SDCCAG8: variants seen among roughly 807,000 people sequenced by gnomAD.
SDCCAG8 encodes serologically defined colon cancer antigen 8.
A neutral mutation model predicts 101.8 loss-of-function variants in SDCCAG8; 74 were observed. The observed-to-expected ratio is 0.73, with a 90% CI of 0.60 to 0.88. The LOEUF (loss-of-function observed/expected upper bound fraction) is 0.88, where lower values mean the gene tolerates loss of function less well. Ranked by LOEUF, SDCCAG8 falls within the 40% of genes least tolerant of loss-of-function variation. The pLI is 0.00. For missense variants in SDCCAG8, 787 were observed against 822.6 expected (o/e 0.96, Z 0.53); for synonymous variants, 281 against 292.9 (o/e 0.96, Z 0.41).
chr1:243,286,072 G>A (rs2069586032), intron 4 of SDCCAG8, among the ~76,000 whole-genome samples, 200 bp from the exon 5 acceptor site: 1 of 152,194 alleles, frequency 6.6e-6, no homozygotes, highest in Admixed American at 6.5e-5. Flanking sequence ...GCCACCAGCA[G>A]GCCCATTACT....
chr1:243,451,280 G>C (rs2083335547), intron 16 of SDCCAG8, among the ~76,000 whole-genome samples: 1 of 152,158 alleles, frequency 6.6e-6, no homozygotes, highest in African/African-American at 2.4e-5. Flanking sequence ...GATCAGCATG[G>C]ATTTTACTGA....
intron 1 of SDCCAG8, chr1:243,267,605 G>GAAAAAA: frequency 2.2e-6 from 1 of 459,832 alleles, no homozygotes; most frequent in South Asian, 2.1e-5. Context: ...TCCCTCTCAA[G>GAAAAAA]AAAAAAAAAA....
intron 12 of SDCCAG8, among the ~76,000 whole-genome samples, chr1:243,371,432 T>C (rs1051172703): frequency 6.6e-6 from 1 of 152,156 alleles, no homozygotes; most frequent in Non-Finnish European, 1.5e-5. Context: ...AGGATACTTA[T>C]TTTTATATGG....
chr1:243,263,553 C>T (rs2067351173), intron 1 of SDCCAG8, among the ~76,000 whole-genome samples: 1 of 152,224 alleles, frequency 6.6e-6, no homozygotes, highest in South Asian at 2.1e-4. Context: ...TCAGTCCTCT[C>T]CACTGATGCC....
intron 13 of SDCCAG8, among the ~76,000 whole-genome samples, chr1:243,393,408 G>A (rs2078835791): frequency 6.6e-6 from 1 of 152,038 alleles, no homozygotes; most frequent in African/African-American, 2.4e-5. Flanking sequence ...CTGCGGGGTA[G>A]CCGAGTGCCA....
intron 17 of SDCCAG8, among the ~76,000 whole-genome samples, chr1:243,496,550 G>C (rs1323206607): frequency 3.9e-5 from 6 of 152,254 alleles, no homozygotes; most frequent in African/African-American, 1.2e-4. Context: ...GGACAGCAGG[G>C]GGGGAAGGGG....
chr1:243,435,864 A>G (rs554692038), intron 16 of SDCCAG8, among the ~76,000 whole-genome samples: 6 of 152,124 alleles, frequency 3.9e-5, no homozygotes, highest in African/African-American at 1.4e-4. Flanking sequence ...CATAGTTAGG[A>G]ATAAGGAACA....
At chr1:243,342,135 T>C (rs1248155119) in intron 11 of SDCCAG8, among the ~76,000 whole-genome samples, 1 of 152,188 alleles carries the variant, frequency 6.6e-6, no homozygotes, top group East Asian at 1.9e-4. Flanking sequence ...CAAATTTTTG[T>C]GTGGAGATAG....
intron 12 of SDCCAG8, among the ~76,000 whole-genome samples, chr1:243,344,708 G>A (rs992765081): frequency 2.0e-5 from 3 of 152,136 alleles, no homozygotes; most frequent in African/African-American, 4.8e-5. Flanking sequence ...TTTAAAATTC[G>A]TAAGATGAGA....
At chr1:243,339,454 G>GTTAT (rs1384880730) in intron 10 of SDCCAG8, among the ~76,000 whole-genome samples, 8 of 152,080 alleles carry the variant, frequency 5.3e-5, no homozygotes, top group Non-Finnish European at 1.2e-4. Context: ...TATTTTTGAT[G>GTTAT]TTATATTTAA....
intron 12 of SDCCAG8, among the ~76,000 whole-genome samples, chr1:243,370,054 G>C (rs966609930): frequency 1.3e-5 from 2 of 151,982 alleles, no homozygotes; most frequent in Non-Finnish European, 2.9e-5. Flanking sequence ...TGCATCGTTT[G>C]AAAAATGTTT....
At chr1:243,266,357 C>G (rs2067585467) in intron 1 of SDCCAG8, among the ~76,000 whole-genome samples, 1 of 151,390 alleles carries the variant, frequency 6.6e-6, no homozygotes, top group Admixed American at 6.6e-5. Context: ...CACTCTGTCA[C>G]CCAGCCTGGA....
chr1:243,368,438 T>G (rs78809427), intron 12 of SDCCAG8, among the ~76,000 whole-genome samples: 1,756 of 152,238 alleles, frequency 0.012, 31 homozygotes, highest in African/African-American at 0.041. Context: ...CAATATAGCA[T>G]TTTATAGTAT....
chr1:243,372,584 G>T (rs75961829), intron 12 of SDCCAG8, among the ~76,000 whole-genome samples: 1,778 of 151,916 alleles, frequency 0.012, 30 homozygotes, highest in African/African-American at 0.04. Context: ...CTTTTTATTT[G>T]GTTCTACTTA....
At chr1:243,308,256 C>T in intron 8 of SDCCAG8, 79 bp downstream of exon 8, 3 of 1,393,370 alleles carry the variant, frequency 2.2e-6, no homozygotes, top group Non-Finnish European at 3.1e-6. Context: ...GTTCTTCTAG[C>T]CCTATGCTAA....
intron 16 of SDCCAG8, among the ~76,000 whole-genome samples, chr1:243,469,242 T>G (rs1271531998): frequency 6.6e-6 from 1 of 152,084 alleles, no homozygotes; most frequent in African/African-American, 2.4e-5. Flanking sequence ...TTTTTTTGAG[T>G]AGTATAGCAT....
chr1:243,265,850 A>G (rs927209000), intron 1 of SDCCAG8, among the ~76,000 whole-genome samples: 1 of 151,494 alleles, frequency 6.6e-6, no homozygotes, highest in Non-Finnish European at 1.5e-5. Flanking sequence ...TTGTAATCTG[A>G]TGAAAGAACT....
At chr1:243,279,558 C>CA (rs2068857221) in intron 4 of SDCCAG8, among the ~76,000 whole-genome samples, 1 of 152,112 alleles carries the variant, frequency 6.6e-6, no homozygotes, top group African/African-American at 2.4e-5. Flanking sequence ...ATAATAACGT[C>CA]AAAAAAATCA....
At chr1:243,348,016 A>G (rs1368911640) in intron 12 of SDCCAG8, among the ~76,000 whole-genome samples, 2 of 146,936 alleles carry the variant, frequency 1.4e-5, no homozygotes, top group African/African-American at 5.0e-5. Context: ...CCCAGGCTGG[A>G]CATGCATTTT....
Sources: gnomAD v4.1 joint callset for allele counts (sites outside exome capture counted in the v4.1 genomes callset) on GRCh38, gnomAD v4.1.1 for gene constraint, MANE v1.5 for transcripts, NCBI Gene and HGNC (gene_info 2026-07-23, HGNC 2026-07-21) for gene names.